The following NCOA3 variants were observed in gnomAD, a reference collection of about 807,000 sequenced individuals.
The protein encoded by NCOA3 is CBP-interacting protein.
NCOA3 carries 51 observed loss-of-function variants against 158.8 expected under a neutral mutation model. The ratio of observed to expected loss-of-function variants is 0.32; its 90% CI spans 0.26 to 0.41. NCOA3 has a LOEUF of 0.41. Ranked by LOEUF, NCOA3 falls within the 10% of genes least tolerant of loss-of-function variation. The pLI is 1.00. For missense variants in NCOA3, 1,510 were observed against 1,746.6 expected, an observed-to-expected ratio of 0.86 and a Z score of 2.41; for synonymous variants, 537 against 592.4, an observed-to-expected ratio of 0.91 and a Z score of 1.36.
At chr20:47,609,158 G>C (rs1042674646) in intron 2 of NCOA3, among the ~76,000 whole-genome samples, 7 of 152,112 alleles carry the variant, frequency 4.6e-5, no homozygotes, top group Non-Finnish European at 8.8e-5. Flanking sequence ...CTACTTACTA[G>C]TTTGTTAATT....
At chr20:47,567,623 G>GC (rs2085219353) in intron 1 of NCOA3, among the ~76,000 whole-genome samples, 1 of 151,794 alleles carries the variant, frequency 6.6e-6, no homozygotes, top group African/African-American at 2.4e-5. Flanking sequence ...AGACTGGAGT[G>GC]CAGTGGCATG....
intron 2 of NCOA3, among the ~76,000 whole-genome samples, chr20:47,615,375 A>G (rs2086115262): frequency 6.6e-6 from 1 of 152,172 alleles, no homozygotes; most frequent in African/African-American, 2.4e-5. Flanking sequence ...TTGCTTGCCT[A>G]ATGAACACTG....
chr20:47,622,620 C>T (rs2086259910), intron 3 of NCOA3, among the ~76,000 whole-genome samples: 1 of 152,014 alleles, frequency 6.6e-6, no homozygotes, highest in African/African-American at 2.4e-5. Context: ...ATGTCACGTG[C>T]GTCCGTGTGA....
At chr20:47,618,522 T>G (rs1441962626) in intron 2 of NCOA3, among the ~76,000 whole-genome samples, 2 of 151,998 alleles carry the variant, frequency 1.3e-5, no homozygotes, top group East Asian at 3.9e-4. Context: ...GTTTGGCTAA[T>G]TTTGTATTTT....
chr20:47,583,824 C>A (rs1339764744), intron 2 of NCOA3, among the ~76,000 whole-genome samples: 1 of 152,104 alleles, frequency 6.6e-6, no homozygotes, highest in Non-Finnish European at 1.5e-5. Context: ...GACATAGTGG[C>A]CTGTGCCTTA....
At chr20:47,631,552 A>G (rs1347617269) in intron 8 of NCOA3, 1 of 152,188 alleles carries the variant, frequency 6.6e-6, no homozygotes, top group East Asian at 1.9e-4. Flanking sequence ...TGGTGTCTCC[A>G]TTGTATTTGA....
At chr20:47,505,819 T>G (rs1030840159) in intron 1 of NCOA3, among the ~76,000 whole-genome samples, 19 of 140,858 alleles carry the variant, frequency 1.3e-4, no homozygotes, top group Admixed American at 6.5e-4. Context: ...TTTTTTTTTT[T>G]GAGACAGAGT....
intron 8 of NCOA3, chr20:47,631,373 T>C (rs968190465): frequency 3.3e-5 from 5 of 152,242 alleles, no homozygotes; most frequent in African/African-American, 1.2e-4. Flanking sequence ...TTTTAGGAAA[T>C]GGATTAACCA....
intron 3 of NCOA3, among the ~76,000 whole-genome samples, chr20:47,623,471 G>A (rs1392058144): frequency 6.6e-6 from 1 of 152,094 alleles, no homozygotes; most frequent in African/African-American, 2.4e-5. Context: ...AGTTTATATT[G>A]GCTGAGTTTA....
intron 2 of NCOA3, among the ~76,000 whole-genome samples, chr20:47,609,150 A>C (rs1022414645): frequency 2.0e-5 from 3 of 152,182 alleles, no homozygotes; most frequent in Non-Finnish European, 4.4e-5. Flanking sequence ...CTGATGATCT[A>C]CTTACTAGTT....
intron 1 of NCOA3, among the ~76,000 whole-genome samples, chr20:47,529,497 C>G (rs2084511664): frequency 6.6e-6 from 1 of 152,206 alleles, no homozygotes; most frequent in Admixed American, 6.5e-5. Context: ...ACTGCAGCCT[C>G]CATCTCCTGG....
intron 1 of NCOA3, among the ~76,000 whole-genome samples, chr20:47,513,870 T>C (rs2084187493): frequency 6.6e-6 from 1 of 152,198 alleles, no homozygotes; most frequent in African/African-American, 2.4e-5. Context: ...TATAACAATT[T>C]AGCAAGCTGT....
At chr20:47,644,358 C>T (rs1029411355) in intron 17 of NCOA3, among the ~76,000 whole-genome samples, 1 of 152,126 alleles carries the variant, frequency 6.6e-6, no homozygotes, top group Non-Finnish European at 1.5e-5. Flanking sequence ...CGAGGATGGT[C>T]TCGATCCCCT....
At position 47,623,978 on chromosome 20, in the gene NCOA3, C is replaced by CTGAT; in HGVS notation, c.152_155dup (p.Ser53AspfsTer6). Reference sequence around the variant, plus strand: ...TAAATATATTGAAGAATTGGCTGAGCTGATATCTGCCAATCTTAGTGATAT... The same window carrying CTGAT: ...TAAATATATTGAAGAATTGGCTGAGCTGATTGATATCTGCCAATCTTAGTGATAT... On this transcript the variant is annotated frameshift_variant, in exon 4 of 23. Transcript: ENST00000371998. LOFTEE classifies it high-confidence loss of function. The CTGAT allele has an allele frequency of 6.2e-7, 1 of 1,613,002 alleles. No individual in the cohort carries two copies. The highest frequency in any genetic ancestry group is 8.5e-7 in the Non-Finnish European group (1 of 1,179,376).
At chr20:47,570,363 C>T (rs182384564) in intron 1 of NCOA3, among the ~76,000 whole-genome samples, 9 of 152,288 alleles carry the variant, frequency 5.9e-5, no homozygotes, top group East Asian at 1.9e-4. Flanking sequence ...ATTGCTTGAG[C>T]GTGGGTGGTT....
intron 1 of NCOA3, among the ~76,000 whole-genome samples, chr20:47,538,166 C>T (rs962920683): frequency 3.3e-5 from 5 of 152,152 alleles, no homozygotes; most frequent in African/African-American, 1.2e-4. Context: ...AGGCATGAAC[C>T]ACCGCGCCTG....
rs145970976 is a variant in NCOA3 at position 47,649,050 on chromosome 20, C to G, written c.3592C>G (p.Pro1198Ala). ...GGCACTTGAATTGAAAATGGAAAAC[C>G]CTACTGCTGGTGGTGCTGCGGTGAT... Reference protein sequence around the residue: ...RQALELKMENPTAGGAAVMRP... With the variant: ...RQALELKMENATAGGAAVMRP... The change falls in exon 19 of 23, where the codon CCT (proline) becomes GCT (alanine). Residue 1198 changes from proline to alanine, a missense_variant. Coordinates refer to ENST00000371998, the MANE Select transcript of NCOA3 (RefSeq NM_181659.3). 21 of 1,613,902 alleles carry G rather than the reference C, an allele frequency of 1.3e-5. No homozygotes were observed. The African/African-American group carries it at 2.8e-4, about 22-fold the overall frequency.
chr20:47,627,901 A>T (rs755936895), intron 7 of NCOA3, 21 bp from the exon 8 acceptor site: 1 of 1,606,082 alleles, frequency 6.2e-7, no homozygotes, highest in South Asian at 1.1e-5. Flanking sequence ...AATCCTTACC[A>T]GGGTGAATTT....
rs143360107 is a variant in NCOA3 at position 47,523,233 on chromosome 20, A to T, written c.-99+21214A>T. On this transcript the variant is annotated intron_variant, in intron 1 of 22. Coordinates refer to ENST00000371998, the MANE Select transcript of NCOA3 (RefSeq NM_181659.3). ...AAACTTCCCAAGGACCCCTTTTCCT[A>T]TAACATTATCCCCTGTGGAGATGCC... 4.4e-3 allele frequency among the ~76,000 whole-genome samples: 665 copies of T among 152,302 alleles called. 5 individuals carry two copies. Among genetic ancestry groups the T allele is most frequent in the African/African-American group, 0.015 (644 of 41,568 alleles).
Sources: allele counts gnomAD v4.1 joint callset (sites outside exome capture counted in the v4.1 genomes callset), GRCh38; gene constraint gnomAD v4.1.1; transcripts MANE v1.5; gene names NCBI Gene and HGNC (gene_info 2026-07-23, HGNC 2026-07-21).